Variants in MAPK10 observed in about 807,000 individuals in gnomAD.
MAPK10 encodes the protein JNK3 alpha protein kinase.
MAPK10 carries 25 observed loss-of-function variants against 59.3 expected under a neutral mutation model. That is an observed-to-expected ratio of 0.42 (90% CI 0.31 to 0.59). MAPK10 has a LOEUF of 0.59. Ranked by LOEUF, MAPK10 falls within the 20% of genes least tolerant of loss-of-function variation. MAPK10 has a pLI of 0.15. For synonymous variants in MAPK10, 190 were observed against 200.5 expected, an observed-to-expected ratio of 0.95 and a Z score of 0.44; for missense variants, 351 against 568.9, an observed-to-expected ratio of 0.62 and a Z score of 3.90.
chr4:86,094,894 T>A (rs2053941771), intron 9 of MAPK10, among the ~76,000 whole-genome samples: 7 of 151,854 alleles, frequency 4.6e-5, no homozygotes, highest in Admixed American at 4.6e-4. Context: ...CGTTTAAGAA[T>A]GTTTAAAGAA....
At chr4:86,464,656 C>G (rs1327385065) in intron 1 of MAPK10, among the ~76,000 whole-genome samples, 1 of 152,066 alleles carries the variant, frequency 6.6e-6, no homozygotes, top group African/African-American at 2.4e-5. Flanking sequence ...CCCGTCTCTA[C>G]TAAAGTACAA....
At chr4:86,130,337 G>A (rs2060778604) in intron 4 of MAPK10, among the ~76,000 whole-genome samples, 1 of 152,050 alleles carries the variant, frequency 6.6e-6, no homozygotes. Flanking sequence ...ATGTGTTATA[G>A]TCCAGCAAAA....
intron 2 of MAPK10, among the ~76,000 whole-genome samples, chr4:86,351,278 A>T (rs1364351111): frequency 6.6e-6 from 1 of 151,894 alleles, no homozygotes; most frequent in Non-Finnish European, 1.5e-5. Flanking sequence ...ATACACACAC[A>T]CACACGCAAT....
At chr4:86,304,368 G>A (rs1329337466) in intron 2 of MAPK10, among the ~76,000 whole-genome samples, 2 of 150,518 alleles carry the variant, frequency 1.3e-5, no homozygotes, top group African/African-American at 4.9e-5. Context: ...CTACCATTGT[G>A]GCTTGTTTTG....
At chr4:86,022,062 C>A (rs921103702) in intron 13 of MAPK10, among the ~76,000 whole-genome samples, 12 of 152,192 alleles carry the variant, frequency 7.9e-5, no homozygotes, top group Non-Finnish European at 1.6e-4. Context: ...TCCCACAGTG[C>A]AGTGGGGGGC....
rs1744006223 is a variant in MAPK10 at position 86,017,687 on chromosome 4, T to C, written c.1253-317A>G. On this transcript the variant is annotated intron_variant, in intron 13 of 13. Coordinates refer to ENST00000641462, the MANE Select transcript of MAPK10 (RefSeq NM_138982.4). The surrounding 1 kb of genome is among the most constrained non-coding windows in gnomAD (Gnocchi z 4.4). ...CCACTGCACTGCATATATTTTAATA[T>C]AATTGGCCTTGGGTGAGGCCAAGGT... Among the ~76,000 whole-genome samples, 1 of 152,222 alleles carries C rather than the reference T, an allele frequency of 6.6e-6. No individual in the cohort carries two copies. Among genetic ancestry groups the C allele is most frequent in the Non-Finnish European group, 1.5e-5 (1 of 68,044 alleles).
intron 4 of MAPK10, chr4:86,107,736 T>G (rs2056791846): frequency 1.3e-6 from 1 of 763,818 alleles, no homozygotes; most frequent in Non-Finnish European, 1.6e-6. Context: ...AGTCATTTAA[T>G]CTCTCTGAGC....
chr4:86,481,824 G>C (rs1429120468), intron 1 of MAPK10, among the ~76,000 whole-genome samples: 2 of 152,156 alleles, frequency 1.3e-5, no homozygotes, highest in African/African-American at 4.8e-5. Flanking sequence ...CTGCCAATCT[G>C]ACAAGCAAAA....
chr4:86,192,445 T>C (rs796086742), intron 3 of MAPK10: 14 of 152,266 alleles, frequency 9.2e-5, no homozygotes, highest in African/African-American at 2.6e-4. Context: ...CATAGTCCTA[T>C]ATTTCTTGGA....
At chr4:86,175,050 G>A (rs1006529432) in intron 3 of MAPK10, among the ~76,000 whole-genome samples, 5 of 151,926 alleles carry the variant, frequency 3.3e-5, no homozygotes, top group Admixed American at 2.0e-4. Context: ...AAAGAAAAAA[G>A]ACATACGAAA....
At position 86,512,459 on chromosome 4, in the gene MAPK10, G is replaced by T. The variant is rs570272981; in HGVS notation, c.-263+81451C>A. On this transcript the variant is annotated intron_variant, in intron 1 of 4. Transcript: ENST00000502302. ...AGTAAATATTGTCACTTCCTGGCAG[G>T]CCCCAAAAACCTTAAGATGGTAGGT... 3.9e-5 allele frequency among the ~76,000 whole-genome samples: 6 copies of T among 152,242 alleles called. No homozygotes were observed. In the South Asian group the frequency reaches 1.2e-3, roughly 32 times the overall value.
At chr4:86,287,580 G>C (rs1374703166) in intron 2 of MAPK10, among the ~76,000 whole-genome samples, 3 of 152,138 alleles carry the variant, frequency 2.0e-5, no homozygotes, top group Non-Finnish European at 4.4e-5. Flanking sequence ...CAAGAGAGTT[G>C]TGACTTTTAT....
chr4:86,248,428 C>G (rs1330790770), intron 2 of MAPK10, among the ~76,000 whole-genome samples: 4 of 152,106 alleles, frequency 2.6e-5, no homozygotes, highest in Non-Finnish European at 4.4e-5. Context: ...AATCTCAATT[C>G]ATCATTCAAC....
At chr4:86,447,518 T>G (rs968793206) in intron 1 of MAPK10, among the ~76,000 whole-genome samples, 1 of 152,238 alleles carries the variant, frequency 6.6e-6, no homozygotes, top group African/African-American at 2.4e-5. Context: ...TATTGTTATT[T>G]AACTTATTTT....
chr4:86,451,232 G>A (rs749867065), intron 1 of MAPK10, among the ~76,000 whole-genome samples: 4 of 151,984 alleles, frequency 2.6e-5, no homozygotes, highest in Non-Finnish European at 4.4e-5. Flanking sequence ...TTTATCATTC[G>A]GTTTTTAAGT....
At chr4:86,278,592 G>A (rs1033440146) in intron 2 of MAPK10, among the ~76,000 whole-genome samples, 2 of 152,090 alleles carry the variant, frequency 1.3e-5, no homozygotes, top group Non-Finnish European at 2.9e-5. Context: ...TAAATCAACT[G>A]AAGTTTCAAA....
chr4:86,310,530 G>A (rs1406263071), intron 2 of MAPK10, among the ~76,000 whole-genome samples: 1 of 152,068 alleles, frequency 6.6e-6, no homozygotes, highest in African/African-American at 2.4e-5. Context: ...TCTGATCAAC[G>A]TGCATAGTAC....
At chr4:86,404,638 C>T (rs1483224469) in intron 1 of MAPK10, among the ~76,000 whole-genome samples, 1 of 152,106 alleles carries the variant, frequency 6.6e-6, no homozygotes, top group Non-Finnish European at 1.5e-5. Flanking sequence ...TTTTAAGCAC[C>T]CTTTTGAAAA....
At chr4:86,257,979 C>T (rs1298647756) in intron 2 of MAPK10, among the ~76,000 whole-genome samples, 1 of 152,140 alleles carries the variant, frequency 6.6e-6, no homozygotes, top group Non-Finnish European at 1.5e-5. Flanking sequence ...GCTGTATATT[C>T]ATTCTTCTTC....
Sources: allele counts gnomAD v4.1 joint callset (sites outside exome capture counted in the v4.1 genomes callset), GRCh38; gene constraint gnomAD v4.1.1; non-coding constraint Gnocchi (gnomAD v3.1); transcripts MANE v1.5; gene names NCBI Gene and HGNC (gene_info 2026-07-23, HGNC 2026-07-21).